The following ST8SIA6 variants were observed in gnomAD, a reference collection of about 807,000 sequenced individuals.
ST8SIA6 encodes alpha-2,8-sialyltransferase 8F.
A neutral mutation model predicts 33.6 loss-of-function variants in ST8SIA6; 39 were observed. That is an observed-to-expected ratio of 1.16 (90% CI 0.90 to 1.52). The LOEUF (loss-of-function observed/expected upper bound fraction) is 1.52, where lower values mean the gene tolerates loss of function less well. Among genes scored for constraint, ST8SIA6 ranks in the 40% most tolerant of loss-of-function variants. ST8SIA6 has a pLI of 0.00. For missense variants in ST8SIA6, 441 were observed against 443.8 expected, an observed-to-expected ratio of 0.99 and a Z score of 0.06; for synonymous variants, 172 against 167.2, an observed-to-expected ratio of 1.03 and a Z score of -0.22.
intron 3 of ST8SIA6, among the ~76,000 whole-genome samples, chr10:17,362,606 G>T (rs1462566415): frequency 6.6e-6 from 1 of 152,104 alleles, no homozygotes; most frequent in African/African-American, 2.4e-5. Flanking sequence ...TTTACATGTT[G>T]GTTTCTTGGT....
intron 2 of ST8SIA6, among the ~76,000 whole-genome samples, chr10:17,442,708 C>T (rs1355151585): frequency 6.6e-6 from 1 of 152,146 alleles, no homozygotes; most frequent in East Asian, 1.9e-4. Context: ...ATACAGTCTG[C>T]CTTTAAGAAA....
chr10:17,363,154 C>T (rs1849448236), intron 3 of ST8SIA6, among the ~76,000 whole-genome samples: 1 of 152,202 alleles, frequency 6.6e-6, no homozygotes, highest in Non-Finnish European at 1.5e-5. Flanking sequence ...TTACAAATCT[C>T]CCCATTTAAA....
At chr10:17,331,613 A>T in intron 4 of ST8SIA6, 61 bp from the exon 5 acceptor site, 1 of 1,505,408 alleles carries the variant, frequency 6.6e-7, no homozygotes, top group Non-Finnish European at 8.9e-7. Context: ...GAAAATGCAG[A>T]CCACGATGGA....
chr10:17,414,345 T>G (rs1851541169), intron 2 of ST8SIA6, among the ~76,000 whole-genome samples: 1 of 152,166 alleles, frequency 6.6e-6, no homozygotes, highest in Admixed American at 6.5e-5. Context: ...TTCTCCCGTC[T>G]CCTCCAACCT....
intron 2 of ST8SIA6, among the ~76,000 whole-genome samples, chr10:17,437,662 C>T (rs10795489): frequency 0.41 from 44,142 of 108,912 alleles, 12,400 homozygotes; most frequent in South Asian, 0.49. Flanking sequence ...TCCTTCCTTC[C>T]TTCTGTCTCT....
intron 2 of ST8SIA6, among the ~76,000 whole-genome samples, chr10:17,444,400 A>G (rs1852622886): frequency 6.6e-6 from 1 of 152,232 alleles, no homozygotes; most frequent in South Asian, 2.1e-4. Flanking sequence ...GAGTTATATG[A>G]GTGAGACAGA....
At chr10:17,346,382 G>A (rs911474446) in intron 4 of ST8SIA6, among the ~76,000 whole-genome samples, 5 of 152,156 alleles carry the variant, frequency 3.3e-5, no homozygotes, top group African/African-American at 1.2e-4. Flanking sequence ...TGGCAGGATC[G>A]CTTGAGCCAA....
chr10:17,365,393 A>G (rs1849526626), intron 3 of ST8SIA6, among the ~76,000 whole-genome samples: 6 of 152,154 alleles, frequency 3.9e-5, no homozygotes. Context: ...CCCCTTACAT[A>G]TGGTTTCATC....
chr10:17,387,965 G>T (rs1035351821), intron 3 of ST8SIA6, among the ~76,000 whole-genome samples: 1 of 152,152 alleles, frequency 6.6e-6, no homozygotes, highest in African/African-American at 2.4e-5. Flanking sequence ...CATTTTCTGT[G>T]TCGACCTGAC....
chr10:17,329,240 C>A (rs997846814), intron 5 of ST8SIA6, among the ~76,000 whole-genome samples: 27 of 152,180 alleles, frequency 1.8e-4, no homozygotes, highest in African/African-American at 6.5e-4. Flanking sequence ...TTAACCTACA[C>A]AGCAACCTTT....
At chr10:17,335,337 G>A (rs918053890) in intron 4 of ST8SIA6, among the ~76,000 whole-genome samples, 5 of 152,112 alleles carry the variant, frequency 3.3e-5, no homozygotes, top group Non-Finnish European at 7.4e-5. Context: ...TTCTATTATT[G>A]GTTTAGTCCT....
intron 2 of ST8SIA6, among the ~76,000 whole-genome samples, chr10:17,440,300 G>T (rs1852429786): frequency 6.6e-6 from 1 of 150,602 alleles, no homozygotes; most frequent in Admixed American, 6.6e-5. Flanking sequence ...CCGCCTCCCG[G>T]GCTCAAGCAA....
intron 4 of ST8SIA6, among the ~76,000 whole-genome samples, chr10:17,346,330 GGT>G (rs1032552496): frequency 1.3e-5 from 2 of 152,204 alleles, no homozygotes. Flanking sequence ...CCCTGGGCTG[GGT>G]GTGCTGGCTC....
intron 3 of ST8SIA6, among the ~76,000 whole-genome samples, chr10:17,374,748 A>ATATATATATATAT (rs1554792809): frequency 3.0e-5 from 2 of 67,650 alleles, no homozygotes; most frequent in African/African-American, 5.3e-5. Context: ...ATAAATAAAT[A>ATATATATATATAT]ATAAATATAT....
At chr10:17,388,761 T>A (rs1850474475) in intron 3 of ST8SIA6, among the ~76,000 whole-genome samples, 1 of 152,162 alleles carries the variant, frequency 6.6e-6, no homozygotes, top group African/African-American at 2.4e-5. Flanking sequence ...CGAGCTAACT[T>A]TGAGAAGGAA....
At chr10:17,339,676 TAA>T (rs755931818) in intron 4 of ST8SIA6, among the ~76,000 whole-genome samples, 2,036 of 152,318 alleles carry the variant, frequency 0.013, 24 homozygotes, top group Non-Finnish European at 0.022. Flanking sequence ...TGACCAATAA[TAA>T]CAATAACCAA....
chr10:17,337,397 T>C (rs1326729976), intron 4 of ST8SIA6, among the ~76,000 whole-genome samples: 1 of 152,212 alleles, frequency 6.6e-6, no homozygotes, highest in East Asian at 1.9e-4. Context: ...ATGGTATGGA[T>C]GTACCAGAGT....
intron 2 of ST8SIA6, among the ~76,000 whole-genome samples, chr10:17,428,563 G>A (rs976497261): frequency 2.6e-5 from 4 of 152,042 alleles, no homozygotes; most frequent in African/African-American, 4.8e-5. Flanking sequence ...AGGAGAGGCC[G>A]TTGGAAGGGC....
intron 4 of ST8SIA6, among the ~76,000 whole-genome samples, chr10:17,352,098 TATA>T (rs1443467155): frequency 1.3e-5 from 2 of 152,170 alleles, no homozygotes; most frequent in Non-Finnish European, 2.9e-5. Context: ...ATTAGCTTGA[TATA>T]ATTATTCCAC....
Sources: allele counts gnomAD v4.1 joint callset (sites outside exome capture counted in the v4.1 genomes callset), GRCh38; gene constraint gnomAD v4.1.1; transcripts MANE v1.5; gene names NCBI Gene and HGNC (gene_info 2026-07-23, HGNC 2026-07-21).